Variants in CTCFL observed in about 807,000 individuals in gnomAD.
CTCFL encodes the protein transcriptional repressor CTCFL.
A neutral mutation model predicts 67.4 loss-of-function variants in CTCFL; 36 were observed. That is an observed-to-expected ratio of 0.53 (90% CI 0.41 to 0.71). The LOEUF is 0.71. Ranked by LOEUF, CTCFL falls within the 30% of genes least tolerant of loss-of-function variation. The pLI, the probability that CTCFL is intolerant of heterozygous loss-of-function variation, is 0.00. For synonymous variants in CTCFL, 324 were observed against 302.3 expected (o/e 1.07, Z -0.75); for missense variants, 786 against 835.2 (o/e 0.94, Z 0.73).
At chr20:57,505,545 C>T (rs888113384) in intron 9 of CTCFL, among the ~76,000 whole-genome samples, 37 of 152,218 alleles carry the variant, frequency 2.4e-4, no homozygotes, top group Admixed American at 2.0e-4. Context: ...CGTGAGCCAC[C>T]GCGCCCGGCC....
intron 5 of CTCFL, 134 bp from the exon 6 acceptor site, chr20:57,515,968 T>C: frequency 1.0e-6 from 1 of 979,256 alleles, no homozygotes; most frequent in Non-Finnish European, 1.5e-6. Flanking sequence ...TTTCACTCAC[T>C]GAAAAAACAT....
chr20:57,508,090 GCAC>G (rs2068317993), intron 9 of CTCFL, among the ~76,000 whole-genome samples: 1 of 152,072 alleles, frequency 6.6e-6, no homozygotes, highest in African/African-American at 2.4e-5. Context: ...CTACAGGGGT[GCAC>G]CACCACAACC....
chr20:57,514,896 G>A, intron 6 of CTCFL, 155 bp from the exon 7 acceptor site: 1 of 705,142 alleles, frequency 1.4e-6, no homozygotes, highest in South Asian at 1.9e-5. Context: ...CCCAAATCAA[G>A]CCCAGACAGC....
intron 3 of CTCFL, among the ~76,000 whole-genome samples, chr20:57,519,867 C>G (rs1389307104): frequency 6.6e-6 from 1 of 152,124 alleles, no homozygotes; most frequent in Non-Finnish European, 1.5e-5. Context: ...AAACCACAGC[C>G]ATAAGTCATG....
At chr20:57,518,688 C>T (rs2069109137) in intron 5 of CTCFL, 70 bp downstream of exon 5, 1 of 1,613,140 alleles carries the variant, frequency 6.2e-7, no homozygotes, top group Non-Finnish European at 8.5e-7. Context: ...CTGTTAGTTA[C>T]ACTTGGAGTA....
At chr20:57,524,238 G>T (rs756090118) in intron 1 of CTCFL, 22 bp from the exon 2 acceptor site, 2 of 1,590,794 alleles carry the variant, frequency 1.3e-6, no homozygotes, top group South Asian at 1.2e-5. Flanking sequence ...ATAAGCAAGC[G>T]GTTTCCATAG....
At chr20:57,516,102 T>C (rs1380575138) in intron 5 of CTCFL, among the ~76,000 whole-genome samples, 1 of 152,214 alleles carries the variant, frequency 6.6e-6, no homozygotes, top group East Asian at 1.9e-4. Context: ...CACCTTCACT[T>C]TAAGCCTACC....
chr20:57,523,662 C>T lies in CTCFL; in HGVS notation c.543+1G>A. 6.2e-7 allele frequency: 1 copy of T among 1,612,142 alleles called. No individual in the cohort carries two copies. Among genetic ancestry groups the T allele is most frequent in the Non-Finnish European group, 8.5e-7 (1 of 1,179,104 alleles). On this transcript the variant is annotated splice_donor_variant, in intron 2 of 10. Transcript: ENST00000243914. LOFTEE classifies it high-confidence loss of function. ...GGGTTGTTTATTAAAACCAGCTGTA[C>T]CTTGATCAGTCCAGTAGTTTCAGCC...
intron 9 of CTCFL, among the ~76,000 whole-genome samples, chr20:57,504,399 C>T (rs1273196633): frequency 6.6e-6 from 1 of 151,610 alleles, no homozygotes; most frequent in Non-Finnish European, 1.5e-5. Flanking sequence ...CCTGCCTTAG[C>T]CTCCCAAGTA....
Position 57,499,878 on chromosome 20 carries a change from G to A in CTCFL, c.1841-1177C>T, listed in dbSNP as rs2067828886. Reference sequence around the variant, plus strand: ...GATGGGGAGCGGCTGTCAATACAAAGCTTCACTCCCTCACCCACTGCTCAC... The same window carrying A: ...GATGGGGAGCGGCTGTCAATACAAAACTTCACTCCCTCACCCACTGCTCAC... On this transcript the variant is annotated intron_variant, in intron 10 of 10. Coordinates refer to ENST00000243914, the MANE Select transcript of CTCFL (RefSeq NM_001386993.1). 1.2e-5 allele frequency: 9 copies of A among 778,942 alleles called. No homozygotes were observed. The South Asian group carries it at 4.1e-4, about 36-fold the overall frequency. 48.3% of individuals were successfully genotyped at this position (778,942 alleles called of 1,614,324 possible). A position where few individuals can be genotyped will look rare whatever the true frequency, so the allele number is the denominator to read the frequency against.
chr20:57,504,392 G>C lies in CTCFL; in HGVS notation c.1675-791C>G, dbSNP rs2146302340. 1.3e-5 allele frequency among the ~76,000 whole-genome samples: 2 copies of C among 151,156 alleles called. 1 individual carries two copies. ...CTTCCCAGGTTCAAGCGATTCTCCT[G>C]CCTTAGCCTCCCAAGTAGGTGGGAC... On this transcript the variant is annotated intron_variant, in intron 9 of 10. Coordinates refer to ENST00000243914, the MANE Select transcript of CTCFL (RefSeq NM_001386993.1).
intron 1 of CTCFL, chr20:57,524,818 C>G (rs1568890076): frequency 1.1e-6 from 1 of 937,866 alleles, no homozygotes; most frequent in African/African-American, 1.8e-5. Context: ...AGCCCTCGGC[C>G]AGACCAAGCA....
Position 57,508,698 on chromosome 20 carries a change from G to T in CTCFL, c.1582C>A (p.Leu528Ile). The change falls in exon 9 of 11, where the codon CTT becomes ATT. Residue 528 changes from leucine to isoleucine, a missense_variant. By Grantham distance (5) the Leu-to-Ile change is conservative. Transcript: ENST00000243914. ...TATTTCCTGAAGTGAGCGTTTAGAA[G>T]TTGCTTCTGTCGGAAACATTTATTG... ...SCNKCFRQKQ[L>I]LNAHFRKYHD... The T allele has an allele frequency of 6.2e-7, 1 of 1,614,180 alleles. No individual in the cohort carries two copies. Among genetic ancestry groups the T allele is most frequent in the Non-Finnish European group, 8.5e-7 (1 of 1,180,020 alleles).
chr20:57,506,684 A>T, intron 9 of CTCFL: 1 of 507,890 alleles, frequency 2.0e-6, no homozygotes, highest in Non-Finnish European at 2.5e-6. Context: ...ACACAAGTCC[A>T]AATATGCTTT....
At chr20:57,522,850 G>A (rs1291946167) in intron 3 of CTCFL, among the ~76,000 whole-genome samples, 1 of 152,188 alleles carries the variant, frequency 6.6e-6, no homozygotes, top group Non-Finnish European at 1.5e-5. Flanking sequence ...GGCTTTGTGG[G>A]AACATTTTTA....
intron 9 of CTCFL, among the ~76,000 whole-genome samples, chr20:57,504,275 C>CTTAAAATTTATTTTTCTAGAATGTTT (rs2068077686): frequency 6.9e-6 from 1 of 145,956 alleles, no homozygotes; most frequent in Non-Finnish European, 1.5e-5. Flanking sequence ...TGCACCCGCC[C>CTTAAAATTTATTTTTCTAGAATGTTT]CCCGTCTCCT....
downstream of CTCFL, chr20:57,496,487 G>A (rs180823775): frequency 5.1e-4 from 228 of 443,082 alleles, no homozygotes; most frequent in African/African-American, 4.3e-3. Flanking sequence ...TAAATGTATG[G>A]TTCAGTGGAA....
chr20:57,521,824 G>A (rs552683429), intron 3 of CTCFL, among the ~76,000 whole-genome samples: 1 of 152,288 alleles, frequency 6.6e-6, no homozygotes, highest in South Asian at 2.1e-4. Flanking sequence ...AGACACGAAA[G>A]GCACATGGTA....
At chr20:57,524,415 C>G in intron 1 of CTCFL, 199 bp from the exon 2 acceptor site, 1 of 1,413,514 alleles carries the variant, frequency 7.1e-7, no homozygotes, top group South Asian at 1.6e-5. Flanking sequence ...AGGATTTAGG[C>G]TAAAGCAGGA....
Sources: allele counts gnomAD v4.1 joint callset (sites outside exome capture counted in the v4.1 genomes callset), GRCh38; gene constraint gnomAD v4.1.1; transcripts MANE v1.5; gene names NCBI Gene and HGNC (gene_info 2026-07-23, HGNC 2026-07-21).